Variants in GRM3 observed in about 807,000 individuals in gnomAD.
The protein encoded by GRM3 is glutamate metabotropic receptor 3.
A neutral mutation model predicts 70.5 loss-of-function variants in GRM3; 26 were observed. That is an observed-to-expected ratio of 0.37 (90% CI 0.27 to 0.51). The LOEUF (loss-of-function observed/expected upper bound fraction) is 0.51. GRM3 is among the 20% of genes least tolerant of loss of function. The pLI is 0.93. For missense variants in GRM3, 859 were observed against 1,123.8 expected, an observed-to-expected ratio of 0.76 and a Z score of 3.37; for synonymous variants, 443 against 434.9, an observed-to-expected ratio of 1.02 and a Z score of -0.23.
chr7:86,775,769 G>T (rs191197700), intron 2 of GRM3, among the ~76,000 whole-genome samples: 5 of 151,968 alleles, frequency 3.3e-5, no homozygotes, highest in South Asian at 4.2e-4. Flanking sequence ...CTCTGTCTTT[G>T]TGTTCTCTCT....
chr7:86,732,668 G>A (rs1002863016), intron 1 of GRM3, among the ~76,000 whole-genome samples: 22 of 152,166 alleles, frequency 1.4e-4, no homozygotes, highest in African/African-American at 5.3e-4. Flanking sequence ...TTCCACACAA[G>A]GAACGTAAGG....
At chr7:86,711,803 G>T (rs759767949) in intron 1 of GRM3, among the ~76,000 whole-genome samples, 2 of 151,906 alleles carry the variant, frequency 1.3e-5, no homozygotes, top group Non-Finnish European at 2.9e-5. Flanking sequence ...ATTCCCCAAG[G>T]TTCTGTCCTC....
chr7:86,778,990 C>T (rs970471504), intron 2 of GRM3, among the ~76,000 whole-genome samples: 1 of 152,196 alleles, frequency 6.6e-6, no homozygotes, highest in Non-Finnish European at 1.5e-5. Context: ...TGGATACACA[C>T]ACACACTCAT....
chr7:86,717,945 T>A (rs1277900603), intron 1 of GRM3, among the ~76,000 whole-genome samples: 1 of 149,880 alleles, frequency 6.7e-6, no homozygotes, highest in Admixed American at 6.7e-5. Flanking sequence ...GTATCAGCTT[T>A]AAAAAAAAAA....
At chr7:86,858,520 A>T (rs1798893954) in intron 5 of GRM3, among the ~76,000 whole-genome samples, 1 of 152,132 alleles carries the variant, frequency 6.6e-6, no homozygotes, top group African/African-American at 2.4e-5. Flanking sequence ...TCACCATGTG[A>T]TGCCTCTCAC....
chr7:86,673,298 C>G (rs1238959134), intron 1 of GRM3, among the ~76,000 whole-genome samples: 1 of 152,282 alleles, frequency 6.6e-6, no homozygotes, highest in African/African-American at 2.4e-5. Flanking sequence ...AGCAAGACAT[C>G]TTTCCTCCTG....
At chr7:86,669,924 T>G (rs1221220353) in intron 1 of GRM3, among the ~76,000 whole-genome samples, 1 of 152,188 alleles carries the variant, frequency 6.6e-6, no homozygotes, top group Non-Finnish European at 1.5e-5. Flanking sequence ...ACTGAATATT[T>G]TCCTAGTCCT....
chr7:86,805,285 T>G (rs1311064028), intron 3 of GRM3, among the ~76,000 whole-genome samples: 2 of 152,158 alleles, frequency 1.3e-5, no homozygotes, highest in Non-Finnish European at 2.9e-5. Flanking sequence ...AGACTTTATT[T>G]TTTTAGAGCA....
intron 1 of GRM3, among the ~76,000 whole-genome samples, chr7:86,676,349 A>C (rs1794305497): frequency 6.6e-6 from 1 of 151,978 alleles, no homozygotes; most frequent in African/African-American, 2.4e-5. Flanking sequence ...AAAGTGTAAG[A>C]CTGAATACCA....
intron 1 of GRM3, among the ~76,000 whole-genome samples, chr7:86,709,568 G>T (rs565557446): frequency 1.3e-5 from 2 of 151,994 alleles, no homozygotes; most frequent in African/African-American, 2.4e-5. Context: ...GTACCTTCGG[G>T]GGGGTGGGGG....
chr7:86,813,315 G>T (rs544548207), intron 3 of GRM3, among the ~76,000 whole-genome samples: 3 of 151,548 alleles, frequency 2.0e-5, no homozygotes, highest in African/African-American at 7.3e-5. Flanking sequence ...CAGCTTCATG[G>T]GTCTTTAGAA....
chr7:86,691,605 G>C (rs1189586954), intron 1 of GRM3, among the ~76,000 whole-genome samples: 1 of 152,176 alleles, frequency 6.6e-6, no homozygotes, highest in Admixed American at 6.5e-5. Flanking sequence ...AACAGTGTTG[G>C]GAAGCAGGGC....
At chr7:86,795,863 A>G (rs1797536496) in intron 3 of GRM3, among the ~76,000 whole-genome samples, 1 of 152,182 alleles carries the variant, frequency 6.6e-6, no homozygotes, top group South Asian at 2.1e-4. Context: ...ATTCCCACCA[A>G]TAGTGTAAAA....
At chr7:86,775,921 G>T (rs1479302545) in intron 2 of GRM3, 1 of 151,910 alleles carries the variant, frequency 6.6e-6, no homozygotes, top group African/African-American at 2.4e-5. Flanking sequence ...CTGTGTTTTT[G>T]TGTAAGTTTG....
chr7:86,840,579 T>C (rs1262135126), intron 4 of GRM3, among the ~76,000 whole-genome samples: 3 of 152,192 alleles, frequency 2.0e-5, no homozygotes, highest in African/African-American at 7.2e-5. Flanking sequence ...TCCCTTATAA[T>C]TACCATCTCT....
At chr7:86,680,576 G>A (rs1206227687) in intron 1 of GRM3, among the ~76,000 whole-genome samples, 1 of 151,948 alleles carries the variant, frequency 6.6e-6, no homozygotes, top group Non-Finnish European at 1.5e-5. Context: ...ACTTTAATGC[G>A]CAATACTGGA....
At position 86,805,661 on chromosome 7, in the gene GRM3, T is replaced by C. The variant is rs559294846; in HGVS notation, c.1324+18545T>C. ...CTCCACAGTTTTGCCTTTTACAGAA[T>C]GACATATAGTTGGAATCATATAGTA... is the stretch of plus-strand genomic sequence containing the variant. On this transcript the variant is annotated intron_variant, in intron 3 of 5. Transcript: ENST00000361669. 1.2e-4 allele frequency among the ~76,000 whole-genome samples: 19 copies of C among 152,330 alleles called. 2 individuals carry two copies. The South Asian group carries it at 3.9e-3, about 32-fold the overall frequency.
intron 1 of GRM3, among the ~76,000 whole-genome samples, chr7:86,703,968 G>A (rs930691180): frequency 6.6e-6 from 1 of 151,810 alleles, no homozygotes; most frequent in Admixed American, 6.6e-5. Context: ...TAAAGTTTCA[G>A]ATATGCCTGT....
At chr7:86,696,824 C>G (rs1794829740) in intron 1 of GRM3, among the ~76,000 whole-genome samples, 1 of 152,126 alleles carries the variant, frequency 6.6e-6, no homozygotes, top group East Asian at 1.9e-4. Context: ...ATGAGGGAAC[C>G]TCTCTTAAAC....
Sources: gnomAD v4.1 joint callset for allele counts (sites outside exome capture counted in the v4.1 genomes callset) on GRCh38, gnomAD v4.1.1 for gene constraint, MANE v1.5 for transcripts, NCBI Gene and HGNC (gene_info 2026-07-23, HGNC 2026-07-21) for gene names.